Variants in SORCS1 observed in about 807,000 individuals in gnomAD.
SORCS1 encodes the protein VPS10 domain-containing receptor SorCS1.
A neutral mutation model predicts 146.1 loss-of-function variants in SORCS1; 60 were observed. That is an observed-to-expected ratio of 0.41 (90% CI 0.33 to 0.51). The LOEUF is 0.51. Among genes scored for constraint, SORCS1 ranks in the 20% least tolerant of loss-of-function variants. The pLI is 0.21. For synonymous variants in SORCS1, 637 were observed against 584.0 expected (o/e 1.09, Z -1.31); for missense variants, 1,352 against 1,487.6 (o/e 0.91, Z 1.50).
At chr10:106,678,083 T>C (rs910276990) in intron 12 of SORCS1, among the ~76,000 whole-genome samples, 1 of 152,224 alleles carries the variant, frequency 6.6e-6, no homozygotes, top group South Asian at 2.1e-4. Context: ...CTCTAGATCC[T>C]TTCTGTATAA....
At chr10:106,854,180 C>T (rs1243537349) in intron 2 of SORCS1, among the ~76,000 whole-genome samples, 1 of 152,018 alleles carries the variant, frequency 6.6e-6, no homozygotes, top group Non-Finnish European at 1.5e-5. Flanking sequence ...GGCATATTGA[C>T]TCCCCTTTAT....
rs553019900 is a variant in SORCS1 at position 106,806,800 on chromosome 10, C to A, written c.726+22774G>T. ...GGAGTGCTGGGATTACAGGCGTGAGCCACCGCACCCGGAGGAGAGGAAGCC... is the reference window on the plus strand; with the variant it reads ...GGAGTGCTGGGATTACAGGCGTGAGACACCGCACCCGGAGGAGAGGAAGCC... On this transcript the variant is annotated intron_variant, in intron 3 of 25. Transcript: ENST00000263054. Among the ~76,000 whole-genome samples, 5 of 152,126 alleles carry A rather than the reference C, an allele frequency of 3.3e-5. 1 individual carries two copies. In the South Asian group the frequency reaches 1.0e-3, roughly 32 times the overall value.
chr10:106,820,345 A>G (rs568516227), intron 3 of SORCS1, among the ~76,000 whole-genome samples: 12 of 152,338 alleles, frequency 7.9e-5, no homozygotes, highest in African/African-American at 2.9e-4. Flanking sequence ...TTTGTTCTGC[A>G]AAACCTAATT....
At chr10:106,596,292 T>C (rs1249331365) in intron 24 of SORCS1, among the ~76,000 whole-genome samples, 1 of 152,174 alleles carries the variant, frequency 6.6e-6, no homozygotes, top group African/African-American at 2.4e-5. Context: ...GGTTATAAGT[T>C]TTGTGAAGAT....
intron 5 of SORCS1, among the ~76,000 whole-genome samples, chr10:106,736,207 C>A (rs1856933133): frequency 6.6e-6 from 1 of 152,146 alleles, no homozygotes; most frequent in Non-Finnish European, 1.5e-5. Context: ...TGAGTTTATA[C>A]CAGCTTAATA....
At chr10:106,976,779 T>C (rs945827365) in intron 1 of SORCS1, among the ~76,000 whole-genome samples, 3 of 152,130 alleles carry the variant, frequency 2.0e-5, no homozygotes, top group Non-Finnish European at 4.4e-5. Flanking sequence ...CACTTATGAG[T>C]GAGAACATGT....
intron 16 of SORCS1, among the ~76,000 whole-genome samples, chr10:106,670,855 A>G (rs1313084010): frequency 1.3e-5 from 2 of 151,794 alleles, no homozygotes; most frequent in Non-Finnish European, 2.9e-5. Flanking sequence ...CACTATGCCC[A>G]GCTAATTTTT....
intron 2 of SORCS1, among the ~76,000 whole-genome samples, chr10:106,891,229 ATGAT>A (rs1487697561): frequency 6.6e-6 from 1 of 152,170 alleles, no homozygotes; most frequent in Non-Finnish European, 1.5e-5. Context: ...AATCAAGCTG[ATGAT>A]TGGTCTGGAG....
At position 106,679,782 on chromosome 10, in the gene SORCS1, T is replaced by C. The variant is rs374110517; in HGVS notation, c.1561-48A>G. ...CCACAAAATCACATAATCAAAATGGTCATTTGAAGCTCAGAATCAGATCAT... is the reference window on the plus strand; with the variant it reads ...CCACAAAATCACATAATCAAAATGGCCATTTGAAGCTCAGAATCAGATCAT... On this transcript the variant is annotated intron_variant, in intron 10 of 25. Transcript: ENST00000263054. The C allele has an allele frequency of 6.8e-5, 96 of 1,416,418 alleles. No individual in the cohort carries two copies. The African/African-American group carries it at 1.1e-3, about 16-fold the overall frequency. 87.7% of individuals were successfully genotyped at this position (1,416,418 alleles called of 1,614,324 possible).
chr10:107,078,963 G>C (rs1051713913), intron 1 of SORCS1, among the ~76,000 whole-genome samples: 3 of 149,364 alleles, frequency 2.0e-5, no homozygotes, highest in African/African-American at 7.4e-5. Flanking sequence ...CGGTGGCTCA[G>C]GCCTGTAATC....
intron 17 of SORCS1, among the ~76,000 whole-genome samples, chr10:106,661,530 CTTCT>C (rs1459254821): frequency 1.3e-5 from 2 of 152,136 alleles, no homozygotes; most frequent in Non-Finnish European, 2.9e-5. Context: ...AGTTTTTTCC[CTTCT>C]TTCTTTACTC....
intron 1 of SORCS1, among the ~76,000 whole-genome samples, chr10:107,066,894 C>T (rs1961923015): frequency 6.6e-6 from 1 of 152,164 alleles, no homozygotes; most frequent in Non-Finnish European, 1.5e-5. Flanking sequence ...TATAATCTTG[C>T]TTACTAGTTA....
At chr10:106,836,948 C>A (rs1371852593) in intron 2 of SORCS1, among the ~76,000 whole-genome samples, 1 of 152,188 alleles carries the variant, frequency 6.6e-6, no homozygotes, top group Non-Finnish European at 1.5e-5. Context: ...CAAAACACAA[C>A]TGGAATTAGT....
At chr10:106,798,552 C>T (rs1305725288) in intron 3 of SORCS1, among the ~76,000 whole-genome samples, 2 of 148,420 alleles carry the variant, frequency 1.3e-5, no homozygotes, top group Non-Finnish European at 3.0e-5. Context: ...GTTTTTTGTC[C>T]TTGCGATAGT....
chr10:106,879,015 T>A (rs1337069718), intron 2 of SORCS1, among the ~76,000 whole-genome samples: 1 of 151,228 alleles, frequency 6.6e-6, no homozygotes, highest in Non-Finnish European at 1.5e-5. Flanking sequence ...CCGGACATGG[T>A]GGTGGGCGCC....
intron 24 of SORCS1, among the ~76,000 whole-genome samples, chr10:106,581,333 A>ACACACACG (rs1554868354): frequency 1.3e-5 from 2 of 151,364 alleles, no homozygotes; most frequent in African/African-American, 4.9e-5. Flanking sequence ...ACACACACAC[A>ACACACACG]CACACACACA....
At chr10:106,995,995 G>A (rs750074977) in intron 1 of SORCS1, among the ~76,000 whole-genome samples, 3 of 151,996 alleles carry the variant, frequency 2.0e-5, no homozygotes, top group African/African-American at 4.8e-5. Flanking sequence ...TTGGGAGGCC[G>A]AAGCGGGTAG....
chr10:106,889,602 AACAT>A (rs1375101792), intron 2 of SORCS1, among the ~76,000 whole-genome samples: 1 of 152,020 alleles, frequency 6.6e-6, no homozygotes, highest in Non-Finnish European at 1.5e-5. Context: ...GTCTCTACTA[AACAT>A]ACAAAAAAAT....
At chr10:106,911,827 C>T (rs1156934762) in intron 2 of SORCS1, among the ~76,000 whole-genome samples, 5 of 152,022 alleles carry the variant, frequency 3.3e-5, no homozygotes, top group African/African-American at 1.2e-4. Context: ...AAAAGCTGCT[C>T]AGGGACTGGG....
Sources: gnomAD v4.1 joint callset for allele counts (sites outside exome capture counted in the v4.1 genomes callset) on GRCh38, gnomAD v4.1.1 for gene constraint, MANE v1.5 for transcripts, NCBI Gene and HGNC (gene_info 2026-07-23, HGNC 2026-07-21) for gene names.